SNUPN: variants seen among roughly 807,000 people sequenced by gnomAD.
SNUPN encodes the protein snurportin 1.
In SNUPN, 31 loss-of-function variants were observed where a neutral mutation model predicts 39.2. That is an observed-to-expected ratio of 0.79 (90% CI 0.59 to 1.07). SNUPN has a LOEUF of 1.07. SNUPN is among the 50% of genes least tolerant of loss of function. The pLI is 0.00. For synonymous variants in SNUPN, 132 were observed against 159.0 expected, an observed-to-expected ratio of 0.83 and a Z score of 1.28; for missense variants, 382 against 434.2, an observed-to-expected ratio of 0.88 and a Z score of 1.07.
Position 75,601,337 on chromosome 15 carries a change from G to A in SNUPN, c.679-119C>T, listed in dbSNP as rs1342983562. On this transcript the variant is annotated intron_variant, in intron 7 of 8. Coordinates refer to ENST00000308588, the MANE Select transcript of SNUPN (RefSeq NM_005701.4). Reference sequence around the variant, plus strand: ...CACCTGTAATCCCAGCACTTTGGGAGGCAAAGTCAGGAGGATCACCTGAGG... The same window carrying A: ...CACCTGTAATCCCAGCACTTTGGGAAGCAAAGTCAGGAGGATCACCTGAGG... 6.0e-6 allele frequency: 4 copies of A among 667,672 alleles called. No individual in the cohort carries two copies. In the East Asian group the frequency reaches 1.2e-4, roughly 20 times the overall value. 41.4% of individuals were successfully genotyped at this position (667,672 alleles called of 1,614,324 possible). A position where few individuals can be genotyped will look rare whatever the true frequency, so the allele number is the denominator to read the frequency against.
chr15:75,619,453 G>C (rs1157754752), intron 2 of SNUPN, among the ~76,000 whole-genome samples: 1 of 152,016 alleles, frequency 6.6e-6, no homozygotes, highest in Non-Finnish European at 1.5e-5. Context: ...ATCAGCCTGA[G>C]CAATATAGGG....
intron 3 of SNUPN, among the ~76,000 whole-genome samples, chr15:75,614,087 C>G (rs553831594): frequency 6.6e-6 from 1 of 152,048 alleles, no homozygotes; most frequent in Non-Finnish European, 1.5e-5. Context: ...GTCACAAGTT[C>G]GAGACCAGCC....
rs767633087 is a variant in SNUPN, at chr15:75,598,530, T to TGCCCAGCATAGTCTGGC, written c.894_910dup (p.His304ArgfsTer23). ...GTGCTCCATAATCTGCTGGAGCTGG[T>TGCCCAGCATAGTCTGGC]GCCCAGCATAGTCTGGCTTGGTGGT... is the stretch of plus-strand genomic sequence containing the variant. On this transcript the variant is annotated frameshift_variant, in exon 9 of 9. Transcript: ENST00000308588. LOFTEE classifies it low-confidence loss of function (END_TRUNC). 7 of 1,614,202 alleles carry TGCCCAGCATAGTCTGGC rather than the reference T, an allele frequency of 4.3e-6. No individual in the cohort carries two copies. In the East Asian group the frequency reaches 1.6e-4, roughly 36 times the overall value.
In SNUPN at chr15:75,609,610, GT is replaced by G; in HGVS notation, c.449del (p.Asn150ThrfsTer23). ...SAYTKSGYCV[N>X]RFSSLLPGGN... The stretch of plus-strand genomic sequence containing the variant: ...CTCCTGGCAGAAGTGAAGAAAACCT[GT>G]TGACACAGTAGCCACTCTTGGTGTA... On this transcript the variant is annotated frameshift_variant, in exon 5 of 9. Coordinates refer to ENST00000308588, the MANE Select transcript of SNUPN (RefSeq NM_005701.4). LOFTEE classifies it high-confidence loss of function. 1 of 1,613,888 alleles carries G rather than the reference GT, an allele frequency of 6.2e-7. No homozygotes were observed. The highest frequency in any genetic ancestry group is 8.5e-7 in the Non-Finnish European group (1 of 1,179,858).
chr15:75,626,179 CCAAGTTT>C (rs1035257582), upstream of SNUPN: 3 of 152,408 alleles, frequency 2.0e-5, no homozygotes, highest in Non-Finnish European at 4.4e-5. Context: ...CCCCTCACAC[CCAAGTTT>C]CAGACACAGA....
chr15:75,622,367 G>C lies in SNUPN; in HGVS notation c.-5-1311C>G, dbSNP rs1042359508. 8.1e-6 allele frequency: 8 copies of C among 985,278 alleles called. No homozygotes were observed. The East Asian group carries it at 4.5e-4, about 56-fold the overall frequency. 61.0% of individuals were successfully genotyped at this position (985,278 alleles called of 1,614,324 possible). A position where few individuals can be genotyped will look rare whatever the true frequency, so the allele number is the denominator to read the frequency against. The stretch of plus-strand genomic sequence containing the variant: ...TTGGAAAAGAGCTAGGATGTGGAAG[G>C]CTGCTTAACAAGTAACGTCAATGCT... On this transcript the variant is annotated intron_variant, in intron 1 of 8. Coordinates refer to ENST00000308588, the MANE Select transcript of SNUPN (RefSeq NM_005701.4).
chr15:75,607,150 C>G (rs533167431), intron 6 of SNUPN, 66 bp downstream of exon 6: 1 of 1,180,808 alleles, frequency 8.5e-7, no homozygotes, highest in African/African-American at 1.5e-5. Context: ...AACCCACATG[C>G]TGAGCCGCTT....
chr15:75,606,988 T>C (rs2075335752), intron 6 of SNUPN, among the ~76,000 whole-genome samples: 1 of 152,224 alleles, frequency 6.6e-6, no homozygotes, highest in African/African-American at 2.4e-5. Context: ...TTTCTTTCTT[T>C]CTTCCTCTCA....
Position 75,601,209 on chromosome 15 carries a change from C to A in SNUPN, c.688G>T (p.Val230Leu). 6.2e-7 allele frequency: 1 copy of A among 1,609,282 alleles called. No individual in the cohort carries two copies. Among genetic ancestry groups the A allele is most frequent in the Non-Finnish European group, 8.5e-7 (1 of 1,175,728 alleles). Reference protein sequence around the residue: ...EKTKLNPFKFVGLKNFPCTPE... With the variant: ...EKTKLNPFKFLGLKNFPCTPE... ...GTGCAAGGGAAGTTCTTTAGCCCCA[C>A]AAATTTAAACTGAAATAGAAATTAG... is the stretch of plus-strand genomic sequence containing the variant. Residue 230 changes from valine (V) to leucine (L), a missense_variant, in exon 8 of 9, where the codon GTG becomes TTG. Transcript: ENST00000308588.
In SNUPN at chr15:75,621,059, A is replaced by G; in HGVS notation, c.-5-3T>C. 6.2e-7 allele frequency: 1 copy of G among 1,613,712 alleles called. No individual in the cohort carries two copies. The highest frequency in any genetic ancestry group is 1.7e-4 in the Middle Eastern group (1 of 6,058). Reference sequence around the variant, plus strand: ...CTGACTCAACTCTTCCATCTTCCCTACAAAGGAAAACGTAAGAAAATGGTT... The same window carrying G: ...CTGACTCAACTCTTCCATCTTCCCTGCAAAGGAAAACGTAAGAAAATGGTT... On this transcript the variant is annotated splice_polypyrimidine_tract_variant and splice_region_variant and intron_variant, in intron 1 of 8. Transcript: ENST00000308588.
intron 1 of SNUPN, among the ~76,000 whole-genome samples, chr15:75,623,599 C>T (rs143088091): frequency 1.8e-3 from 266 of 151,994 alleles, no homozygotes; most frequent in Non-Finnish European, 2.0e-3. Context: ...CATGCACCAC[C>T]ATGCTCGGCT....
intron 5 of SNUPN, among the ~76,000 whole-genome samples, chr15:75,608,070 A>G (rs1161796681): frequency 6.6e-6 from 1 of 152,120 alleles, no homozygotes; most frequent in African/African-American, 2.4e-5. Flanking sequence ...TGTGAAAGGT[A>G]CTAAACGCCA....
chr15:75,603,678 A>AG, intron 7 of SNUPN, among the ~76,000 whole-genome samples: 1 of 151,526 alleles, frequency 6.6e-6, no homozygotes, highest in East Asian at 1.9e-4. Context: ...AAAAAAAAAA[A>AG]AAAGCTCTCC....
chr15:75,623,350 C>T (rs940497320), intron 1 of SNUPN, among the ~76,000 whole-genome samples: 17 of 151,648 alleles, frequency 1.1e-4, no homozygotes, highest in South Asian at 4.2e-4. Context: ...GGGGTTTCAC[C>T]GTGTTAGCCA....
chr15:75,617,774 G>A (rs1367588946), intron 2 of SNUPN, among the ~76,000 whole-genome samples: 1 of 151,974 alleles, frequency 6.6e-6, no homozygotes, highest in Non-Finnish European at 1.5e-5. Flanking sequence ...TAGAGATGGG[G>A]TTTCACCATG....
intron 1 of SNUPN, among the ~76,000 whole-genome samples, 193 bp from the exon 2 acceptor site, chr15:75,621,249 C>G (rs1329499958): frequency 1.3e-5 from 2 of 148,224 alleles, no homozygotes; most frequent in Non-Finnish European, 3.0e-5. Context: ...CATTATTTTC[C>G]TACAGATATT....
intron 7 of SNUPN, among the ~76,000 whole-genome samples, chr15:75,603,909 T>C (rs1486769372): frequency 6.6e-6 from 1 of 152,172 alleles, no homozygotes; most frequent in Non-Finnish European, 1.5e-5. Flanking sequence ...ATTCTGCCAA[T>C]CATTTAACCT....
intron 3 of SNUPN, among the ~76,000 whole-genome samples, chr15:75,612,035 T>G (rs1595985676): frequency 1.9e-5 from 1 of 52,732 alleles, no homozygotes; most frequent in African/African-American, 7.9e-5. Context: ...TTCCTTTTTT[T>G]CCTTTTTTTT....
intron 3 of SNUPN, among the ~76,000 whole-genome samples, chr15:75,612,647 G>T (rs1892815766): frequency 6.6e-6 from 1 of 151,904 alleles, no homozygotes; most frequent in East Asian, 1.9e-4. Context: ...CGAGATGTCT[G>T]CTTGGTATCT....
Sources: allele counts gnomAD v4.1 joint callset (sites outside exome capture counted in the v4.1 genomes callset), GRCh38; gene constraint gnomAD v4.1.1; transcripts MANE v1.5; gene names NCBI Gene and HGNC (gene_info 2026-07-23, HGNC 2026-07-21).